Variants in EPHA3 observed in about 807,000 individuals in gnomAD.
EPHA3 encodes EPH receptor A3, also known as ephrin type-A receptor 3.
A neutral mutation model predicts 107.1 loss-of-function variants in EPHA3; 42 were observed. The observed-to-expected ratio is 0.39, with a 90% CI of 0.31 to 0.51. The LOEUF is 0.51. Ranked by LOEUF, EPHA3 falls within the 20% of genes least tolerant of loss-of-function variation. The pLI, the probability that EPHA3 is intolerant of heterozygous loss-of-function variation, is 0.78. For missense variants in EPHA3, 1,183 were observed against 1,211.2 expected, an observed-to-expected ratio of 0.98 and a Z score of 0.35; for synonymous variants, 461 against 424.8, an observed-to-expected ratio of 1.09 and a Z score of -1.05.
intron 3 of EPHA3, among the ~76,000 whole-genome samples, chr3:89,300,205 G>A (rs563567240): frequency 1.3e-5 from 2 of 151,478 alleles, no homozygotes; most frequent in East Asian, 3.9e-4. Flanking sequence ...TTTACACAAT[G>A]GATTATTATT....
rs537736990 is a variant in EPHA3 at position 89,142,478 on chromosome 3, CA to C, written c.153+15213del. 6.0e-3 allele frequency among the ~76,000 whole-genome samples: 908 copies of C among 150,650 alleles called. 6 individuals carry two copies. Among genetic ancestry groups the C allele is most frequent in the African/African-American group, 0.021 (849 of 41,254 alleles). On this transcript the variant is annotated intron_variant, in intron 2 of 16. Coordinates refer to ENST00000336596, the MANE Select transcript of EPHA3 (RefSeq NM_005233.6). ...GGCCATAGGCCTGCTTTAAACATAC[CA>C]AAAAAAATCTCATGAGTATTAACAT...
intron 1 of EPHA3, among the ~76,000 whole-genome samples, chr3:89,116,537 A>G (rs1340719408): frequency 6.6e-6 from 1 of 152,130 alleles, no homozygotes; most frequent in Non-Finnish European, 1.5e-5. Context: ...GGCTTTTGAA[A>G]GGTAGCAAAT....
At chr3:89,371,454 G>A (rs1452544023) in intron 5 of EPHA3, among the ~76,000 whole-genome samples, 1 of 151,656 alleles carries the variant, frequency 6.6e-6, no homozygotes, top group African/African-American at 2.4e-5. Flanking sequence ...AAGAAGAGAT[G>A]ATACAAGGTA....
At chr3:89,390,363 C>T (rs191946176) in intron 5 of EPHA3, among the ~76,000 whole-genome samples, 1 of 152,148 alleles carries the variant, frequency 6.6e-6, no homozygotes, top group East Asian at 1.9e-4. Context: ...CTTTGGGAGG[C>T]CAAGGCAAAC....
chr3:89,313,707 TTAAAG>T (rs1432669761), intron 3 of EPHA3, among the ~76,000 whole-genome samples: 2 of 151,924 alleles, frequency 1.3e-5, no homozygotes, highest in Non-Finnish European at 2.9e-5. Flanking sequence ...TATGTTTACT[TTAAAG>T]TAGTCATGTG....
intron 9 of EPHA3, 27 bp from the exon 10 acceptor site, chr3:89,413,114 T>C (rs1185655911): frequency 6.2e-7 from 1 of 1,609,726 alleles, no homozygotes; most frequent in East Asian, 2.2e-5. Flanking sequence ...TAGCTACAAT[T>C]GCGCCTTTCT....
chr3:89,410,022 C>T (rs1171984409), intron 9 of EPHA3, among the ~76,000 whole-genome samples: 1 of 151,888 alleles, frequency 6.6e-6, no homozygotes, highest in Non-Finnish European at 1.5e-5. Context: ...CTGTATGTTG[C>T]CCTTAATTAT....
At chr3:89,424,818 ATTAGTTG>A (rs1709425248) in intron 11 of EPHA3, among the ~76,000 whole-genome samples, 1 of 151,508 alleles carries the variant, frequency 6.6e-6, no homozygotes, top group Non-Finnish European at 1.5e-5. Context: ...TGGACAGTAA[ATTAGTTG>A]TTATCTTTGA....
chr3:89,355,017 C>T (rs930272481), intron 5 of EPHA3, among the ~76,000 whole-genome samples: 1 of 150,874 alleles, frequency 6.6e-6, no homozygotes, highest in African/African-American at 2.4e-5. Context: ...TTAATCAATG[C>T]TAATTCAAAA....
At chr3:89,167,921 C>T (rs1705113201) in intron 2 of EPHA3, among the ~76,000 whole-genome samples, 1 of 152,020 alleles carries the variant, frequency 6.6e-6, no homozygotes, top group Non-Finnish European at 1.5e-5. Flanking sequence ...ATTATATACA[C>T]ATATATACAC....
At chr3:89,324,884 T>C (rs1449862541) in intron 3 of EPHA3, among the ~76,000 whole-genome samples, 1 of 152,134 alleles carries the variant, frequency 6.6e-6, no homozygotes, top group Non-Finnish European at 1.5e-5. Flanking sequence ...CCCCAATGTC[T>C]ATTGTAGCCA....
intron 3 of EPHA3, among the ~76,000 whole-genome samples, chr3:89,233,351 C>T (rs188221620): frequency 1.3e-5 from 2 of 152,134 alleles, no homozygotes; most frequent in Non-Finnish European, 2.9e-5. Context: ...ATTGTCCCCC[C>T]ACTTTTCTGC....
At chr3:89,248,590 A>G (rs1277813774) in intron 3 of EPHA3, among the ~76,000 whole-genome samples, 4 of 152,234 alleles carry the variant, frequency 2.6e-5, no homozygotes, top group Non-Finnish European at 5.9e-5. Context: ...TAAACACTGT[A>G]TATAATGAAT....
In EPHA3 at chr3:89,337,422, C is replaced by T. The variant is rs139704271; in HGVS notation, c.815-3494C>T. On this transcript the variant is annotated intron_variant, in intron 3 of 16. Transcript: ENST00000336596. ...AGTCTATAAAATACACAGACTGATA[C>T]CTACACCGATAATTTCAATAGAACT... 7.2e-5 allele frequency among the ~76,000 whole-genome samples: 11 copies of T among 152,230 alleles called. No homozygotes were observed. In the East Asian group the frequency reaches 2.1e-3, roughly 29 times the overall value.
chr3:89,345,878 G>A (rs1576324771), intron 5 of EPHA3, among the ~76,000 whole-genome samples: 2 of 139,610 alleles, frequency 1.4e-5, no homozygotes, highest in South Asian at 2.2e-4. Context: ...TTGGTTTTTT[G>A]TTCTTGCGAT....
At chr3:89,438,698 A>G (rs1709722509) in intron 13 of EPHA3, among the ~76,000 whole-genome samples, 1 of 152,220 alleles carries the variant, frequency 6.6e-6, no homozygotes, top group Admixed American at 6.5e-5. Context: ...TGTCCTTCAT[A>G]TAGTAACAGT....
chr3:89,475,238 T>G (rs1393205961), intron 16 of EPHA3, among the ~76,000 whole-genome samples: 1 of 152,198 alleles, frequency 6.6e-6, no homozygotes, highest in Non-Finnish European at 1.5e-5. Flanking sequence ...GAGCTAGATA[T>G]TTTAGCTTTC....
chr3:89,324,516 A>AT (rs200782629), intron 3 of EPHA3, among the ~76,000 whole-genome samples: 6 of 150,266 alleles, frequency 4.0e-5, no homozygotes, highest in African/African-American at 1.2e-4. Context: ...TTTATTTTTT[A>AT]TTTTTTTTAA....
intron 2 of EPHA3, among the ~76,000 whole-genome samples, chr3:89,181,022 A>C (rs1705432063): frequency 6.6e-6 from 1 of 151,948 alleles, no homozygotes; most frequent in Admixed American, 6.6e-5. Flanking sequence ...ATAGTATGAA[A>C]ATTTATTTTC....
Sources: gnomAD v4.1 joint callset for allele counts (sites outside exome capture counted in the v4.1 genomes callset) on GRCh38, gnomAD v4.1.1 for gene constraint, MANE v1.5 for transcripts, NCBI Gene and HGNC (gene_info 2026-07-23, HGNC 2026-07-21) for gene names.